Variants in KCNQ5 observed in about 807,000 individuals in gnomAD.
KCNQ5 encodes the protein potassium voltage-gated channel subfamily KQT member 5.
In KCNQ5, 30 loss-of-function variants were observed where a neutral mutation model predicts 98.2. That is an observed-to-expected ratio of 0.31 (90% confidence interval 0.23 to 0.41). The LOEUF (loss-of-function observed/expected upper bound fraction) is 0.41. Among genes scored for constraint, KCNQ5 ranks in the 10% least tolerant of loss-of-function variants. The pLI, the probability that KCNQ5 is intolerant of heterozygous loss-of-function variation, is 1.00. For missense variants in KCNQ5, 835 were observed against 1,182.5 expected, an observed-to-expected ratio of 0.71 and a Z score of 4.31; for synonymous variants, 458 against 449.4, an observed-to-expected ratio of 1.02 and a Z score of -0.24.
At chr6:72,623,391 AGTGTGTGTGTGTGT>A (rs1214797915) in intron 1 of KCNQ5, among the ~76,000 whole-genome samples, 24 of 143,146 alleles carry the variant, frequency 1.7e-4, no homozygotes, top group African/African-American at 5.3e-4. Flanking sequence ...GGAGTCAAAG[AGTGTGTGTGTGTGT>A]GTGTGTGTGT....
intron 1 of KCNQ5, among the ~76,000 whole-genome samples, chr6:72,766,384 G>A (rs1223592263): frequency 6.6e-6 from 1 of 151,960 alleles, no homozygotes; most frequent in Non-Finnish European, 1.5e-5. Flanking sequence ...GAAGTCATCG[G>A]AAGGCTTTGA....
chr6:72,971,519 T>C (rs962204943), intron 1 of KCNQ5, among the ~76,000 whole-genome samples: 23 of 152,308 alleles, frequency 1.5e-4, no homozygotes, highest in Middle Eastern at 3.4e-3. Flanking sequence ...GGATTATAAA[T>C]CATGCTGCTA....
chr6:72,965,837 G>A (rs1056250052), intron 1 of KCNQ5, among the ~76,000 whole-genome samples: 10 of 152,164 alleles, frequency 6.6e-5, no homozygotes, highest in African/African-American at 2.4e-4. Context: ...GGCCCACTTT[G>A]TCTATGTGTA....
chr6:72,922,062 A>G (rs996913330), intron 1 of KCNQ5, among the ~76,000 whole-genome samples: 3 of 152,204 alleles, frequency 2.0e-5, no homozygotes, highest in Non-Finnish European at 4.4e-5. Context: ...GTAACTAGCA[A>G]TTCACTCAAA....
intron 1 of KCNQ5, among the ~76,000 whole-genome samples, chr6:72,932,273 C>T (rs150043477): frequency 3.8e-4 from 58 of 151,104 alleles, no homozygotes; most frequent in African/African-American, 1.3e-3. Flanking sequence ...TGCGTGTGTG[C>T]GTGTGTGTGT....
intron 1 of KCNQ5, among the ~76,000 whole-genome samples, chr6:72,951,113 G>A (rs1766781428): frequency 6.6e-5 from 10 of 152,148 alleles, no homozygotes; most frequent in Admixed American, 6.6e-4. Flanking sequence ...TGCAAAGGAA[G>A]TATTTGAACA....
chr6:73,099,936 T>C (rs2150413830), intron 5 of KCNQ5, among the ~76,000 whole-genome samples: 1 of 152,142 alleles, frequency 6.6e-6, no homozygotes, highest in Non-Finnish European at 1.5e-5. Context: ...ATAGGCCACA[T>C]GTTAGGCCAC....
intron 1 of KCNQ5, among the ~76,000 whole-genome samples, chr6:72,674,826 G>C (rs563890568): frequency 6.6e-6 from 1 of 152,014 alleles, no homozygotes; most frequent in East Asian, 1.9e-4. Context: ...AGTAAGTGTG[G>C]CAAATTATCT....
chr6:73,172,841 T>C (rs1433145114), intron 11 of KCNQ5, among the ~76,000 whole-genome samples: 1 of 152,242 alleles, frequency 6.6e-6, no homozygotes, highest in Non-Finnish European at 1.5e-5. Context: ...TAGTTTTTCC[T>C]AGCAGCCAAA....
intron 1 of KCNQ5, among the ~76,000 whole-genome samples, chr6:72,910,563 G>GGTGTGTGT (rs963735270): frequency 4.6e-5 from 2 of 43,048 alleles, no homozygotes; most frequent in Admixed American, 2.8e-4. Flanking sequence ...AAGGTAGGGG[G>GGTGTGTGT]GTGTGTGTGT....
chr6:72,668,231 T>G (rs1222828258), intron 1 of KCNQ5, among the ~76,000 whole-genome samples: 1 of 152,170 alleles, frequency 6.6e-6, no homozygotes, highest in Non-Finnish European at 1.5e-5. Context: ...ATTTTAAAAG[T>G]TATTTCTTAA....
chr6:72,741,015 A>G (rs760614651), intron 1 of KCNQ5, among the ~76,000 whole-genome samples: 6 of 152,194 alleles, frequency 3.9e-5, no homozygotes, highest in Non-Finnish European at 8.8e-5. Context: ...TGAAAAACTT[A>G]AAAGTGTCAG....
intron 1 of KCNQ5, among the ~76,000 whole-genome samples, chr6:72,941,492 TTTCC>T (rs1766272297): frequency 1.2e-5 from 1 of 80,314 alleles, no homozygotes; most frequent in Non-Finnish European, 2.7e-5. Flanking sequence ...CCCTCCCTTC[TTTCC>T]TTCCTTTTTC....
intron 1 of KCNQ5, among the ~76,000 whole-genome samples, chr6:72,659,974 A>G (rs1163062902): frequency 1.3e-5 from 2 of 152,194 alleles, no homozygotes; most frequent in Non-Finnish European, 2.9e-5. Flanking sequence ...TAGTTTCTGC[A>G]GTGGCTGCTT....
At chr6:72,763,745 A>G (rs1772408712) in intron 1 of KCNQ5, among the ~76,000 whole-genome samples, 1 of 152,026 alleles carries the variant, frequency 6.6e-6, no homozygotes, top group South Asian at 2.1e-4. Context: ...GGGAAAGCCT[A>G]AAGAGGAAGA....
chr6:73,157,710 A>G, intron 10 of KCNQ5: 1 of 776,660 alleles, frequency 1.3e-6, no homozygotes, highest in South Asian at 1.3e-5. Flanking sequence ...GCATCAGAGC[A>G]GCCCCCATCA....
At chr6:72,896,362 T>C (rs993581222) in intron 1 of KCNQ5, among the ~76,000 whole-genome samples, 26 of 152,160 alleles carry the variant, frequency 1.7e-4, no homozygotes, top group African/African-American at 6.3e-4. Flanking sequence ...GTAAATTGTA[T>C]TAATGATCAT....
rs1770286897 is a variant in KCNQ5 at position 73,015,441 on chromosome 6, A to G, written c.489+11443A>G. Among the ~76,000 whole-genome samples, 3 of 152,250 alleles carry G rather than the reference A, an allele frequency of 2.0e-5. No homozygotes were observed. The South Asian group carries it at 6.2e-4, about 32-fold the overall frequency. ...TAAAAAGTATTTCAGATATTAGAGG[A>G]AAGAATTTTTGAAGCTAAAGATAAT... On this transcript the variant is annotated intron_variant, in intron 2 of 13. Transcript: ENST00000370398.
In KCNQ5 at chr6:72,622,124, C is replaced by A. The variant is rs1040849176; in HGVS notation, c.-66C>A. 22 of 1,196,624 alleles carry A rather than the reference C, an allele frequency of 1.8e-5. No individual in the cohort carries two copies. The highest frequency in any genetic ancestry group is 8.5e-5 in the South Asian group (2 of 23,402). The allele number at this position is 1,196,624 out of a possible 1,614,324, so 74.1% of individuals were successfully genotyped here. On this transcript the variant is annotated 5_prime_UTR_variant, in exon 1 of 14. Coordinates refer to ENST00000370398, the MANE Select transcript of KCNQ5 (RefSeq NM_019842.4). This position sits in a 1 kb window ranked among gnomAD's most constrained non-coding sequence, Gnocchi z 6.0. ...CGGCTTCCTCCTTGAAACCCGCCGG[C>A]GCACATGAGGCCGCTGCCCCCGCCG...
Sources: allele counts gnomAD v4.1 joint callset (sites outside exome capture counted in the v4.1 genomes callset), GRCh38; gene constraint gnomAD v4.1.1; non-coding constraint Gnocchi (gnomAD v3.1); transcripts MANE v1.5; gene names NCBI Gene and HGNC (gene_info 2026-07-23, HGNC 2026-07-21).